The following JARID2 variants were observed in gnomAD, a reference collection of about 807,000 sequenced individuals.
JARID2 encodes the protein jumonji and AT-rich interaction domain containing 2.
JARID2 carries 21 observed loss-of-function variants against 125.6 expected under a neutral mutation model. That is an observed-to-expected ratio of 0.17 (90% confidence interval 0.12 to 0.24). The LOEUF (loss-of-function observed/expected upper bound fraction) is 0.24, where lower values mean the gene tolerates loss of function less well. Among genes scored for constraint, JARID2 ranks in the 10% least tolerant of loss-of-function variants. JARID2 has a pLI of 1.00. For synonymous variants in JARID2, 736 were observed against 661.6 expected (o/e 1.11, Z -1.73); for missense variants, 1,303 against 1,639.6 (o/e 0.79, Z 3.55).
chr6:15,335,962 C>T (rs887682847), intron 1 of JARID2, among the ~76,000 whole-genome samples: 1 of 152,082 alleles, frequency 6.6e-6, no homozygotes, highest in African/African-American at 2.4e-5. Flanking sequence ...GGTATGTACC[C>T]GTGGTCCCAG....
chr6:15,475,119 C>T (rs1185581152), intron 5 of JARID2, among the ~76,000 whole-genome samples: 2 of 152,180 alleles, frequency 1.3e-5, no homozygotes, highest in Non-Finnish European at 2.9e-5. Context: ...CACTGAGGTC[C>T]ATTTCTCTGT....
At chr6:15,395,916 G>T (rs751098016) in intron 2 of JARID2, among the ~76,000 whole-genome samples, 1 of 152,168 alleles carries the variant, frequency 6.6e-6, no homozygotes, top group Non-Finnish European at 1.5e-5. Context: ...GCCCGCCTTG[G>T]CCTCCCTAAG....
At chr6:15,430,618 G>A (rs186027103) in intron 3 of JARID2, among the ~76,000 whole-genome samples, 37 of 152,288 alleles carry the variant, frequency 2.4e-4, no homozygotes, top group Non-Finnish European at 4.1e-4. Context: ...AGCAAGCATT[G>A]GGTCGGGTGT....
chr6:15,492,923 T>C (rs2127727154), intron 6 of JARID2, among the ~76,000 whole-genome samples: 1 of 152,250 alleles, frequency 6.6e-6, no homozygotes, highest in East Asian at 1.9e-4. Context: ...AGAAGGAAAA[T>C]ATTGCAACTC....
At chr6:15,469,312 CTCTCTG>C (rs1346401223) in intron 5 of JARID2, among the ~76,000 whole-genome samples, 8 of 124,620 alleles carry the variant, frequency 6.4e-5, no homozygotes, top group South Asian at 3.0e-4. Flanking sequence ...CTGTCTCTCT[CTCTCTG>C]TCTCTCTCTC....
chr6:15,253,253 C>T (rs1293665585), intron 1 of JARID2, among the ~76,000 whole-genome samples: 3 of 152,014 alleles, frequency 2.0e-5, no homozygotes, highest in Non-Finnish European at 2.9e-5. Flanking sequence ...TTAGTAAAGA[C>T]GGGGTTTCAC....
At chr6:15,482,774 C>A (rs1769683921) in intron 5 of JARID2, among the ~76,000 whole-genome samples, 2 of 152,184 alleles carry the variant, frequency 1.3e-5, no homozygotes, top group Admixed American at 1.3e-4. Context: ...GCTCTGGGAA[C>A]CTGTACCTGT....
At chr6:15,317,069 G>A (rs1762202866) in intron 1 of JARID2, among the ~76,000 whole-genome samples, 1 of 152,154 alleles carries the variant, frequency 6.6e-6, no homozygotes, top group Admixed American at 6.5e-5. Flanking sequence ...GTGATTTTGT[G>A]CTTCTTGTCC....
intron 1 of JARID2, among the ~76,000 whole-genome samples, chr6:15,322,004 G>A (rs569469219): frequency 2.0e-5 from 3 of 151,890 alleles, no homozygotes; most frequent in Non-Finnish European, 4.4e-5. Flanking sequence ...TGTTGGCCAG[G>A]CTGGCCTCAA....
intron 5 of JARID2, among the ~76,000 whole-genome samples, chr6:15,480,467 C>T (rs55709778): frequency 0.12 from 17,876 of 152,100 alleles, 1,175 homozygotes; most frequent in Non-Finnish European, 0.14. Flanking sequence ...CATCAGGATT[C>T]CCTCTTGTGT....
intron 2 of JARID2, among the ~76,000 whole-genome samples, chr6:15,394,977 CCAGT>C (rs1765164815): frequency 6.7e-6 from 1 of 149,424 alleles, no homozygotes; most frequent in Non-Finnish European, 1.5e-5. Context: ...AGAATTTAAA[CCAGT>C]CAAAGAAGCG....
At chr6:15,409,115 G>T (rs979854948) in intron 2 of JARID2, among the ~76,000 whole-genome samples, 1 of 152,146 alleles carries the variant, frequency 6.6e-6, no homozygotes, top group East Asian at 1.9e-4. Context: ...GAATGTTTAT[G>T]TATTTTTTAA....
intron 1 of JARID2, among the ~76,000 whole-genome samples, chr6:15,287,094 C>T (rs943739882): frequency 6.6e-6 from 1 of 151,874 alleles, no homozygotes; most frequent in African/African-American, 2.4e-5. Flanking sequence ...TCATTGAACT[C>T]CAGCCTGGGC....
At chr6:15,247,334 A>T in intron 1 of JARID2, 3 of 715,968 alleles carry the variant, frequency 4.2e-6, no homozygotes, top group Non-Finnish European at 5.1e-6. Flanking sequence ...TCCTAGATTT[A>T]AATGGCTTGG....
At chr6:15,453,345 T>C (rs1183019634) in intron 4 of JARID2, among the ~76,000 whole-genome samples, 1 of 152,260 alleles carries the variant, frequency 6.6e-6, no homozygotes, top group East Asian at 1.9e-4. Flanking sequence ...TCAATTATTT[T>C]TTAGAATGTC....
intron 2 of JARID2, among the ~76,000 whole-genome samples, chr6:15,380,529 TAG>T (rs994428541): frequency 6.6e-6 from 1 of 152,116 alleles, no homozygotes; most frequent in African/African-American, 2.4e-5. Flanking sequence ...TTTCCTCACT[TAG>T]AGTTTTGTGT....
chr6:15,249,336 G>T (rs1182267553), intron 1 of JARID2, among the ~76,000 whole-genome samples: 1 of 152,064 alleles, frequency 6.6e-6, no homozygotes, highest in Non-Finnish European at 1.5e-5. Context: ...TACTACGGTG[G>T]GGGGGCTTTC....
At position 15,323,149 on chromosome 6, in the gene JARID2, C is replaced by T. The variant is rs960267020; in HGVS notation, c.46-50968C>T. 7.2e-5 allele frequency among the ~76,000 whole-genome samples: 11 copies of T among 152,346 alleles called. 1 individual carries two copies. Among genetic ancestry groups the T allele is most frequent in the African/African-American group, 2.6e-4 (11 of 41,596 alleles). The stretch of plus-strand genomic sequence containing the variant: ...TCTTTTGCACTCTGTGGTACGAAAC[C>T]TCTTAGCTCTGTGTGGGTGGTGGGC... On this transcript the variant is annotated intron_variant, in intron 1 of 17. Coordinates refer to ENST00000341776, the MANE Select transcript of JARID2 (RefSeq NM_004973.4).
intron 1 of JARID2, among the ~76,000 whole-genome samples, chr6:15,283,466 G>T (rs777934079): frequency 1.4e-5 from 2 of 143,996 alleles, no homozygotes; most frequent in African/African-American, 2.6e-5. Context: ...TCAGCCTCCC[G>T]AGTAGCTGGG....
Sources: gnomAD v4.1 joint callset for allele counts (sites outside exome capture counted in the v4.1 genomes callset) on GRCh38, gnomAD v4.1.1 for gene constraint, MANE v1.5 for transcripts, NCBI Gene and HGNC (gene_info 2026-07-23, HGNC 2026-07-21) for gene names.